SGCZ: variants seen among roughly 807,000 people sequenced by gnomAD.
The protein encoded by SGCZ is sarcoglycan zeta.
A neutral mutation model predicts 41.3 loss-of-function variants in SGCZ; 40 were observed. The observed-to-expected ratio is 0.97, with a 90% CI of 0.75 to 1.26. SGCZ has a LOEUF of 1.26. Ranked by LOEUF, SGCZ falls within the 50% of genes most tolerant of loss-of-function variation. The pLI is 0.00. For missense variants in SGCZ, 552 were observed against 369.8 expected (o/e 1.49, Z -4.04); for synonymous variants, 206 against 137.5 (o/e 1.50, Z -3.49).
rs565627994 is a variant in SGCZ, at chr8:14,562,158, A to T, written c.40-7232T>A. ...CCCTTGCCTCACGTAAGGGGAAAATAGTTCAAAATATTAGTGCCCAGGAAA... is the reference window on the plus strand; with the variant it reads ...CCCTTGCCTCACGTAAGGGGAAAATTGTTCAAAATATTAGTGCCCAGGAAA... On this transcript the variant is annotated intron_variant, in intron 1 of 7. Coordinates refer to ENST00000382080, the MANE Select transcript of SGCZ (RefSeq NM_139167.4). 4.6e-5 allele frequency among the ~76,000 whole-genome samples: 7 copies of T among 152,298 alleles called. No homozygotes were observed. The East Asian group carries it at 1.2e-3, about 25-fold the overall frequency.
chr8:14,596,604 C>G (rs17119873), intron 1 of SGCZ, among the ~76,000 whole-genome samples: 13,308 of 152,018 alleles, frequency 0.088, 669 homozygotes, highest in Middle Eastern at 0.19. Context: ...GTAATTGCAG[C>G]AATTTCAAAA....
At chr8:14,995,226 C>T (rs17608642) in intron 1 of SGCZ, among the ~76,000 whole-genome samples, 10,633 of 152,286 alleles carry the variant, frequency 0.07, 540 homozygotes, top group African/African-American at 0.13. Context: ...GGAAAGCTCA[C>T]GCTGGTAGCT....
intron 1 of SGCZ, among the ~76,000 whole-genome samples, chr8:14,992,040 T>G (rs1165212673): frequency 1.3e-5 from 2 of 149,720 alleles, no homozygotes; most frequent in African/African-American, 4.9e-5. Flanking sequence ...CTCCCAAATC[T>G]ACTCCCAAAA....
intron 3 of SGCZ, among the ~76,000 whole-genome samples, chr8:14,253,684 T>A (rs1241729041): frequency 2.6e-5 from 4 of 152,094 alleles, no homozygotes; most frequent in Non-Finnish European, 5.9e-5. Context: ...AAATCCCACA[T>A]GTAACTGAGC....
chr8:14,440,367 G>A (rs530222296), intron 2 of SGCZ, among the ~76,000 whole-genome samples: 1 of 152,110 alleles, frequency 6.6e-6, no homozygotes, highest in South Asian at 2.1e-4. Context: ...AGTTAATTTT[G>A]AATTTGGTGA....
At chr8:14,817,314 C>G (rs540868088) in intron 1 of SGCZ, among the ~76,000 whole-genome samples, 2 of 152,078 alleles carry the variant, frequency 1.3e-5, no homozygotes, top group Non-Finnish European at 2.9e-5. Context: ...AAGCAGATCT[C>G]CGGTGGTCAT....
At chr8:14,155,002 G>T (rs116685938) in intron 5 of SGCZ, among the ~76,000 whole-genome samples, 1 of 152,074 alleles carries the variant, frequency 6.6e-6, no homozygotes, top group African/African-American at 2.4e-5. Flanking sequence ...TGCAGGTTGC[G>T]AGCAAAATAA....
intron 3 of SGCZ, among the ~76,000 whole-genome samples, chr8:14,274,249 GA>G (rs1340823703): frequency 2.0e-5 from 3 of 152,062 alleles, no homozygotes; most frequent in Non-Finnish European, 4.4e-5. Flanking sequence ...GAACTTAACA[GA>G]AGGCATATTC....
chr8:14,994,754 A>G (rs1802155293), intron 1 of SGCZ, among the ~76,000 whole-genome samples: 1 of 152,078 alleles, frequency 6.6e-6, no homozygotes, highest in South Asian at 2.1e-4. Context: ...GAATGGATTT[A>G]TGTTCTATTT....
intron 1 of SGCZ, among the ~76,000 whole-genome samples, chr8:14,909,241 C>T (rs1799209563): frequency 6.6e-6 from 1 of 152,186 alleles, no homozygotes; most frequent in South Asian, 2.1e-4. Flanking sequence ...CACCTGTCCT[C>T]AAATTATGAC....
intron 2 of SGCZ, among the ~76,000 whole-genome samples, chr8:14,417,067 C>T (rs565198630): frequency 3.3e-5 from 5 of 151,808 alleles, no homozygotes; most frequent in South Asian, 2.1e-4. Context: ...AAAATAAGGC[C>T]GGGCAAGACA....
At chr8:14,954,263 T>C (rs1489846530) in intron 1 of SGCZ, among the ~76,000 whole-genome samples, 1 of 152,096 alleles carries the variant, frequency 6.6e-6, no homozygotes. Context: ...GTATACATGG[T>C]ATGGAAAAGG....
At chr8:14,730,978 T>C (rs571023124) in intron 1 of SGCZ, among the ~76,000 whole-genome samples, 48 of 151,704 alleles carry the variant, frequency 3.2e-4, no homozygotes, top group African/African-American at 1.1e-3. Flanking sequence ...ACAGTGTGGC[T>C]ATTCCTCAAG....
chr8:14,929,834 T>A (rs75434925), intron 1 of SGCZ, among the ~76,000 whole-genome samples: 1 of 152,184 alleles, frequency 6.6e-6, no homozygotes, highest in South Asian at 2.1e-4. Context: ...TTCCTCCTCA[T>A]TATTTCAACA....
chr8:14,494,212 T>A (rs1253382444), intron 2 of SGCZ, among the ~76,000 whole-genome samples: 6 of 152,168 alleles, frequency 3.9e-5, no homozygotes, highest in African/African-American at 1.4e-4. Context: ...AACAAGATGG[T>A]GATTCCAAGA....
At chr8:14,596,886 T>C (rs993840174) in intron 1 of SGCZ, among the ~76,000 whole-genome samples, 1 of 152,144 alleles carries the variant, frequency 6.6e-6, no homozygotes, top group African/African-American at 2.4e-5. Flanking sequence ...ATATATTCCA[T>C]GTGTTTCTGT....
chr8:14,273,187 A>G (rs1800117345), intron 3 of SGCZ, among the ~76,000 whole-genome samples: 2 of 152,126 alleles, frequency 1.3e-5, no homozygotes, highest in Admixed American at 1.3e-4. Flanking sequence ...AATATTGATA[A>G]AAAGAATAAT....
At chr8:14,905,892 T>C (rs987041568) in intron 1 of SGCZ, among the ~76,000 whole-genome samples, 4 of 151,970 alleles carry the variant, frequency 2.6e-5, no homozygotes, top group African/African-American at 9.7e-5. Context: ...CATACACCTA[T>C]GTATACAAAT....
chr8:14,620,433 A>G (rs1395271491), intron 1 of SGCZ, among the ~76,000 whole-genome samples: 1 of 152,172 alleles, frequency 6.6e-6, no homozygotes, highest in Non-Finnish European at 1.5e-5. Context: ...GCCAAAATTG[A>G]CAAATGGGAT....
Sources: gnomAD v4.1 joint callset for allele counts (sites outside exome capture counted in the v4.1 genomes callset) on GRCh38, gnomAD v4.1.1 for gene constraint, MANE v1.5 for transcripts, NCBI Gene and HGNC (gene_info 2026-07-23, HGNC 2026-07-21) for gene names.